Variants in NELL1 observed in about 807,000 individuals in gnomAD.
The protein encoded by NELL1 is neural EGFL like 1.
NELL1 carries 76 observed loss-of-function variants against 107.4 expected under a neutral mutation model. The ratio of observed to expected loss-of-function variants is 0.71; its 90% CI spans 0.59 to 0.86. NELL1 has a LOEUF of 0.86. Ranked by LOEUF, NELL1 falls within the 40% of genes least tolerant of loss-of-function variation. The pLI, the probability that NELL1 is intolerant of heterozygous loss-of-function variation, is 0.00. For synonymous variants in NELL1, 353 were observed against 341.2 expected, an observed-to-expected ratio of 1.03 and a Z score of -0.38; for missense variants, 1,024 against 1,005.5, an observed-to-expected ratio of 1.02 and a Z score of -0.25.
At chr11:20,870,008 G>A (rs1849166728) in intron 4 of NELL1, among the ~76,000 whole-genome samples, 1 of 152,156 alleles carries the variant, frequency 6.6e-6, no homozygotes, top group Non-Finnish European at 1.5e-5. Context: ...ATGGAAAGAT[G>A]TGGAAAATCA....
intron 2 of NELL1, among the ~76,000 whole-genome samples, chr11:20,695,755 T>A (rs918209153): frequency 2.6e-5 from 4 of 152,024 alleles, no homozygotes; most frequent in African/African-American, 9.7e-5. Flanking sequence ...CATTGTGTCT[T>A]TGTTTTTTGA....
At chr11:21,373,734 T>G (rs1851406055) in intron 15 of NELL1, among the ~76,000 whole-genome samples, 1 of 152,128 alleles carries the variant, frequency 6.6e-6, no homozygotes. Flanking sequence ...CCTTAAACTT[T>G]TCATAACCCC....
rs566046515 is a variant in NELL1 at position 20,708,385 on chromosome 11, A to C, written c.184+30325A>C. Reference sequence around the variant, plus strand: ...CCCAGTGAGATGAACTGGGTACCGCAGTTGGAAATGCAGAAATCACCCGTC... The same window carrying C: ...CCCAGTGAGATGAACTGGGTACCGCCGTTGGAAATGCAGAAATCACCCGTC... On this transcript the variant is annotated intron_variant, in intron 2 of 19. Transcript: ENST00000357134. Among the ~76,000 whole-genome samples the C allele has an allele frequency of 1.5e-3, 225 of 152,292 alleles. 1 individual carries two copies. Among genetic ancestry groups the C allele is most frequent in the Admixed American group, 2.5e-3 (38 of 15,302 alleles).
chr11:21,388,096 G>A (rs1467368408), intron 15 of NELL1, among the ~76,000 whole-genome samples: 1 of 149,012 alleles, frequency 6.7e-6, no homozygotes, highest in Non-Finnish European at 1.5e-5. Flanking sequence ...TTTTTTTCTG[G>A]TATGCCATAC....
chr11:21,501,937 C>T (rs1043498119), intron 15 of NELL1, among the ~76,000 whole-genome samples: 2 of 152,194 alleles, frequency 1.3e-5, no homozygotes, highest in South Asian at 4.1e-4. Context: ...ATTACCACCC[C>T]TGGCCAAAGC....
In NELL1 at chr11:20,919,246, A is replaced by T. The variant is rs761289853; in HGVS notation, c.677-6A>T. The T allele has an allele frequency of 1.3e-6, 2 of 1,556,036 alleles. No homozygotes were observed. Among genetic ancestry groups the T allele is most frequent in the South Asian group, 2.3e-5 (2 of 85,228 alleles). On this transcript the variant is annotated splice_polypyrimidine_tract_variant and splice_region_variant and intron_variant, in intron 6 of 19. Transcript: ENST00000357134. ...AATATATATGTTTTATATTTTCTTT[A>T]TTGAGCTTGCCCAACCTGCAGTGAT...
chr11:20,814,121 G>T (rs1216869519), intron 3 of NELL1, among the ~76,000 whole-genome samples: 1 of 151,414 alleles, frequency 6.6e-6, no homozygotes, highest in African/African-American at 2.4e-5. Flanking sequence ...TCAGCCTCCC[G>T]AGTAGTTGGG....
intron 13 of NELL1, among the ~76,000 whole-genome samples, chr11:21,128,612 C>T (rs1244462065): frequency 2.6e-5 from 4 of 152,054 alleles, no homozygotes; most frequent in South Asian, 4.2e-4. Flanking sequence ...TCAAGCAGAT[C>T]GTCCATTTAA....
chr11:21,052,966 A>G (rs892260676), intron 12 of NELL1, among the ~76,000 whole-genome samples: 1 of 152,014 alleles, frequency 6.6e-6, no homozygotes, highest in African/African-American at 2.4e-5. Flanking sequence ...TGTGGCAGAG[A>G]CACCAGGCAG....
chr11:21,469,427 T>C (rs905052843), intron 15 of NELL1, among the ~76,000 whole-genome samples: 1 of 152,018 alleles, frequency 6.6e-6, no homozygotes, highest in Non-Finnish European at 1.5e-5. Flanking sequence ...AGTGGAAAAT[T>C]GCTCTTGGGT....
Position 21,328,578 on chromosome 11 carries a change from A to G in NELL1, c.1550-42275A>G, listed in dbSNP as rs192692395. ...CTGGTGGAGCTGTGAGAAGAGGGCC[A>G]CCGTTCTCCTGACTCCAGAATGGTA... On this transcript the variant is annotated intron_variant, in intron 14 of 19. Coordinates refer to ENST00000357134, the MANE Select transcript of NELL1 (RefSeq NM_006157.5). Among the ~76,000 whole-genome samples, 953 of 152,220 alleles carry G rather than the reference A, an allele frequency of 6.3e-3. 2 individuals carry two copies. Among genetic ancestry groups the G allele is most frequent in the Non-Finnish European group, 9.8e-3 (667 of 67,992 alleles).
intron 14 of NELL1, among the ~76,000 whole-genome samples, chr11:21,344,650 A>C (rs1173016222): frequency 1.3e-5 from 2 of 152,208 alleles, no homozygotes; most frequent in African/African-American, 2.4e-5. Flanking sequence ...GAGAATTGGA[A>C]GTCAAAAGAC....
chr11:20,926,702 T>G (rs1217486720), intron 7 of NELL1, among the ~76,000 whole-genome samples: 1 of 152,166 alleles, frequency 6.6e-6, no homozygotes, highest in African/African-American at 2.4e-5. Context: ...TTTACAAAAT[T>G]CTGATCTTAC....
intron 7 of NELL1, among the ~76,000 whole-genome samples, chr11:20,925,373 C>A (rs144204181): frequency 6.6e-6 from 1 of 151,730 alleles, no homozygotes; most frequent in African/African-American, 2.4e-5. Context: ...CTCTGCCTCC[C>A]AGGTTCAAGA....
intron 15 of NELL1, among the ~76,000 whole-genome samples, chr11:21,500,376 C>T (rs1470150376): frequency 6.6e-6 from 1 of 152,014 alleles, no homozygotes; most frequent in Admixed American, 6.6e-5. Flanking sequence ...TAGATTATTT[C>T]TAAATTCTCT....
chr11:21,171,171 C>G (rs1237185297), intron 13 of NELL1, among the ~76,000 whole-genome samples: 8 of 151,734 alleles, frequency 5.3e-5, no homozygotes, highest in Admixed American at 5.2e-4. Context: ...AATGATTTCA[C>G]TAAACTTTGA....
chr11:20,794,187 T>C (rs979783691), intron 3 of NELL1, among the ~76,000 whole-genome samples: 1 of 152,194 alleles, frequency 6.6e-6, no homozygotes, highest in Non-Finnish European at 1.5e-5. Flanking sequence ...TGAACAGTAC[T>C]GGGAAATTCA....
chr11:20,760,453 C>A (rs1448828697), intron 2 of NELL1, among the ~76,000 whole-genome samples: 1 of 152,162 alleles, frequency 6.6e-6, no homozygotes, highest in Non-Finnish European at 1.5e-5. Flanking sequence ...CTGGTACTGG[C>A]ACAAATGCAG....
chr11:21,460,524 G>C (rs1853874225), intron 15 of NELL1, among the ~76,000 whole-genome samples: 2 of 152,124 alleles, frequency 1.3e-5, no homozygotes, highest in African/African-American at 4.8e-5. Flanking sequence ...ATGGTGCCAG[G>C]TTTCTTTTCT....
Sources: gnomAD v4.1 joint callset for allele counts (sites outside exome capture counted in the v4.1 genomes callset) on GRCh38, gnomAD v4.1.1 for gene constraint, MANE v1.5 for transcripts, NCBI Gene and HGNC (gene_info 2026-07-23, HGNC 2026-07-21) for gene names.